Variants in CAMKMT observed in about 807,000 individuals in gnomAD.
CAMKMT encodes the protein calmodulin-lysine N-methyltransferase, also known as CaM KMT.
A neutral mutation model predicts 48.0 loss-of-function variants in CAMKMT; 53 were observed. The observed-to-expected ratio is 1.10, with a 90% CI of 0.89 to 1.39. CAMKMT has a LOEUF of 1.39. CAMKMT is among the 40% of genes most tolerant of loss of function. The probability of loss-of-function intolerance (pLI) is 0.00; values close to 1 mark genes in which losing one functional copy is unlikely to be tolerated. For missense variants in CAMKMT, 428 were observed against 402.7 expected (o/e 1.06, Z -0.54); for synonymous variants, 165 against 152.3 (o/e 1.08, Z -0.61).
At chr2:44,400,958 A>ATATATG (rs1553379767) in intron 3 of CAMKMT, 2 of 105,376 alleles carry the variant, frequency 1.9e-5, no homozygotes, top group Middle Eastern at 5.1e-3. Flanking sequence ...ATATATATAT[A>ATATATG]TATGTATGTA....
At chr2:44,575,298 T>C (rs919051335) in intron 3 of CAMKMT, among the ~76,000 whole-genome samples, 8 of 151,632 alleles carry the variant, frequency 5.3e-5, no homozygotes, top group Admixed American at 1.3e-4. Context: ...AGGCTGATCT[T>C]GAACTCCCGA....
At chr2:44,575,349 G>A (rs1485605796) in intron 3 of CAMKMT, among the ~76,000 whole-genome samples, 1 of 117,948 alleles carries the variant, frequency 8.5e-6, no homozygotes, top group Non-Finnish European at 1.9e-5. Flanking sequence ...AAAATGCTGA[G>A]ATTACAGGCA....
chr2:44,691,750 A>G (rs1407045942), intron 3 of CAMKMT, among the ~76,000 whole-genome samples: 4 of 152,118 alleles, frequency 2.6e-5, no homozygotes, highest in African/African-American at 9.7e-5. Flanking sequence ...GTGACCCAGT[A>G]TCTGCATGAC....
intron 3 of CAMKMT, among the ~76,000 whole-genome samples, chr2:44,564,010 C>G (rs1374405808): frequency 3.9e-5 from 6 of 152,102 alleles, no homozygotes; most frequent in Admixed American, 3.9e-4. Flanking sequence ...ATGGCTGGGT[C>G]AAATGGTATT....
At chr2:44,704,472 A>G in intron 4 of CAMKMT, 129 bp downstream of exon 4, 1 of 636,188 alleles carries the variant, frequency 1.6e-6, no homozygotes, top group African/African-American at 1.8e-5. Flanking sequence ...AAACAGGAAG[A>G]AAAGGAAAAC....
intron 3 of CAMKMT, among the ~76,000 whole-genome samples, chr2:44,469,356 T>TTC (rs1668297030): frequency 1.3e-5 from 2 of 151,926 alleles, no homozygotes; most frequent in Non-Finnish European, 2.9e-5. Context: ...CCTGATTTTT[T>TTC]TTTTGTTATA....
At chr2:44,726,847 TATCTC>T (rs1436838318) in intron 7 of CAMKMT, among the ~76,000 whole-genome samples, 5 of 152,244 alleles carry the variant, frequency 3.3e-5, no homozygotes, top group Admixed American at 6.5e-5. Context: ...GTTAGCCAGT[TATCTC>T]AGCACCATTT....
At chr2:44,426,268 G>A (rs1225872800) in intron 3 of CAMKMT, among the ~76,000 whole-genome samples, 1 of 152,186 alleles carries the variant, frequency 6.6e-6, no homozygotes, top group Non-Finnish European at 1.5e-5. Flanking sequence ...TTCTGCCTAA[G>A]AACTGGAGCA....
In CAMKMT at chr2:44,362,061, C is replaced by T; in HGVS notation, c.54C>T (p.Gly18=). 1 of 1,439,760 alleles carries T rather than the reference C, an allele frequency of 6.9e-7. No individual in the cohort carries two copies. The highest frequency in any genetic ancestry group is 9.1e-7 in the Non-Finnish European group (1 of 1,103,494). The allele number at this position is 1,439,760 out of a possible 1,614,324, so 89.2% of individuals were successfully genotyped here. ...CCGGCGAGACCGCGCGAGCAGCGGGCGGGAGTCCGGCAGTTGGCTGCACCA... is the reference window on the plus strand; with the variant it reads ...CCGGCGAGACCGCGCGAGCAGCGGGTGGGAGTCCGGCAGTTGGCTGCACCA... ...AGTGETARAA[G]GSPAVGCTTR... The change falls in exon 1 of 11, where the codon GGC becomes GGT. Residue 18 remains glycine, a synonymous_variant. Coordinates refer to ENST00000378494, the MANE Select transcript of CAMKMT (RefSeq NM_024766.5).
chr2:44,643,637 A>G (rs538572866), intron 3 of CAMKMT, among the ~76,000 whole-genome samples: 81 of 152,314 alleles, frequency 5.3e-4, no homozygotes, highest in African/African-American at 1.9e-3. Context: ...AATATTTCCA[A>G]AGGAATTTGG....
chr2:44,390,865 A>G (rs1085488), intron 3 of CAMKMT, among the ~76,000 whole-genome samples: 92,772 of 152,004 alleles, frequency 0.61, 30,149 homozygotes, highest in South Asian at 0.79. Flanking sequence ...AGATTTGTCC[A>G]CTGAGAAAAT....
intron 3 of CAMKMT, among the ~76,000 whole-genome samples, chr2:44,552,036 A>G (rs1243763920): frequency 6.6e-6 from 1 of 152,114 alleles, no homozygotes; most frequent in East Asian, 1.9e-4. Context: ...CAGTTTTGTT[A>G]CATGGACATA....
intron 2 of CAMKMT, among the ~76,000 whole-genome samples, chr2:44,374,801 T>C (rs1679514977): frequency 1.3e-5 from 2 of 152,194 alleles, no homozygotes; most frequent in Admixed American, 1.3e-4. Flanking sequence ...GTGACTGAGC[T>C]AAAGTGTTGG....
intron 3 of CAMKMT, among the ~76,000 whole-genome samples, chr2:44,395,793 T>G (rs570519490): frequency 6.6e-6 from 1 of 152,244 alleles, no homozygotes; most frequent in African/African-American, 2.4e-5. Context: ...TTCAGTACCT[T>G]TGTTATTCAA....
At chr2:44,363,487 C>T (rs552055180) in intron 1 of CAMKMT, among the ~76,000 whole-genome samples, 5 of 151,888 alleles carry the variant, frequency 3.3e-5, no homozygotes, top group African/African-American at 1.2e-4. Context: ...AAATGATTCT[C>T]CTTCCTCAGT....
chr2:44,687,340 C>G (rs1676393146), intron 3 of CAMKMT, among the ~76,000 whole-genome samples: 1 of 152,162 alleles, frequency 6.6e-6, no homozygotes, highest in African/African-American at 2.4e-5. Context: ...CATCTTTTCC[C>G]TTAATGAGTG....
intron 7 of CAMKMT, among the ~76,000 whole-genome samples, chr2:44,733,370 TTG>T (rs1358510077): frequency 6.6e-6 from 1 of 152,218 alleles, no homozygotes; most frequent in Non-Finnish European, 1.5e-5. Context: ...CAACTGATTC[TTG>T]TACATTGATC....
intron 3 of CAMKMT, among the ~76,000 whole-genome samples, chr2:44,554,992 A>G (rs543406083): frequency 6.6e-6 from 1 of 152,226 alleles, no homozygotes; most frequent in South Asian, 2.1e-4. Context: ...TTGGGGTGGG[A>G]GTAGGGAAGA....
At position 44,361,985 on chromosome 2, in the gene CAMKMT, C is replaced by T; in HGVS notation, c.-23C>T. 8 of 1,371,002 alleles carry T rather than the reference C, an allele frequency of 5.8e-6. No homozygotes were observed. The highest frequency in any genetic ancestry group is 7.5e-6 in the Non-Finnish European group (8 of 1,065,776). The allele number at this position is 1,371,002 out of a possible 1,614,324, so 84.9% of individuals were successfully genotyped here. A position where few individuals can be genotyped will look rare whatever the true frequency, so the allele number is the denominator to read the frequency against. ...GGACGAGCTGCGGCGGTGGCACCTC[C>T]GGGTGTGGAAGGCTCCAGTGAGATG... On this transcript the variant is annotated 5_prime_UTR_variant, in exon 1 of 11. Transcript: ENST00000378494.
Sources: gnomAD v4.1 joint callset for allele counts (sites outside exome capture counted in the v4.1 genomes callset) on GRCh38, gnomAD v4.1.1 for gene constraint, MANE v1.5 for transcripts, NCBI Gene and HGNC (gene_info 2026-07-23, HGNC 2026-07-21) for gene names.